Variants in PKHD1 observed in about 807,000 individuals in gnomAD.
PKHD1 encodes the protein fibrocystin.
PKHD1 carries 291 observed loss-of-function variants against 412.0 expected under a neutral mutation model. The observed-to-expected ratio is 0.71, with a 90% CI of 0.64 to 0.78. PKHD1 has a LOEUF of 0.78. Ranked by LOEUF, PKHD1 falls within the 30% of genes least tolerant of loss-of-function variation. The pLI is 0.00. For missense variants in PKHD1, 4,825 were observed against 4,950.7 expected (o/e 0.97, Z 0.76); for synonymous variants, 1,777 against 1,821.5 (o/e 0.98, Z 0.62).
At chr6:52,024,453 C>T (rs180827502) in intron 32 of PKHD1, 121 bp downstream of exon 32, 3 of 911,684 alleles carry the variant, frequency 3.3e-6, no homozygotes, top group Admixed American at 1.7e-5. Context: ...TTGTAAGAAG[C>T]CAGTGGGCTT....
chr6:51,904,102 T>C, intron 41 of PKHD1, 60 bp from the exon 42 acceptor site: 1 of 1,071,020 alleles, frequency 9.3e-7, no homozygotes, highest in Non-Finnish European at 1.5e-6. Flanking sequence ...AAACAAGAGA[T>C]GCTGCAACAC....
rs528710813 is a variant in PKHD1 at position 52,048,740 on chromosome 6, T to C, written c.2280-121A>G. 23 of 1,155,050 alleles carry C rather than the reference T, an allele frequency of 2.0e-5. No homozygotes were observed. In the African/African-American group the frequency reaches 3.2e-4, roughly 16 times the overall value. 71.6% of individuals were successfully genotyped at this position (1,155,050 alleles called of 1,614,324 possible). A position where few individuals can be genotyped will look rare whatever the true frequency, so the allele number is the denominator to read the frequency against. On this transcript the variant is annotated intron_variant, in intron 22 of 66. Transcript: ENST00000371117. Reference sequence around the variant, plus strand: ...GCCTTCCAGAAAGAGCTAAGGGACCTGAGGAAACTCAGTAAGGGAGTTTTC... The same window carrying C: ...GCCTTCCAGAAAGAGCTAAGGGACCCGAGGAAACTCAGTAAGGGAGTTTTC...
At chr6:51,941,694 C>T (rs1203658006) in intron 36 of PKHD1, among the ~76,000 whole-genome samples, 11 of 151,684 alleles carry the variant, frequency 7.3e-5, no homozygotes, top group Non-Finnish European at 1.6e-4. Flanking sequence ...CCCGTGGTGC[C>T]AAACCCATAT....
intron 36 of PKHD1, among the ~76,000 whole-genome samples, chr6:51,942,218 T>G (rs2127814404): frequency 6.6e-6 from 1 of 151,620 alleles, no homozygotes; most frequent in Admixed American, 6.6e-5. Context: ...CCCTGACTCA[T>G]CCCAACCCTT....
intron 60 of PKHD1, chr6:51,741,243 T>C (rs1784513742): frequency 3.9e-6 from 2 of 516,826 alleles, no homozygotes; most frequent in Non-Finnish European, 7.7e-6. Flanking sequence ...ACTGACATTT[T>C]AGAGTTTCTA....
intron 2 of PKHD1, among the ~76,000 whole-genome samples, chr6:52,083,483 A>G (rs894563716): frequency 5.3e-5 from 8 of 152,234 alleles, no homozygotes; most frequent in Non-Finnish European, 1.2e-4. Flanking sequence ...CATCATCAGA[A>G]GCCCCATTTT....
intron 52 of PKHD1, among the ~76,000 whole-genome samples, chr6:51,798,063 C>T (rs1452260505): frequency 6.6e-6 from 1 of 152,052 alleles, no homozygotes; most frequent in Non-Finnish European, 1.5e-5. Flanking sequence ...AGTTATGAAG[C>T]TTAGTTTGTC....
intron 65 of PKHD1, among the ~76,000 whole-genome samples, chr6:51,628,725 C>T (rs1287332598): frequency 2.0e-5 from 3 of 152,162 alleles, no homozygotes; most frequent in Non-Finnish European, 1.5e-5. Flanking sequence ...TCCACAACCT[C>T]GCCAACATCT....
rs115530385 is a variant in PKHD1, at chr6:52,056,075, G to A, written c.1694-346C>T. Among the ~76,000 whole-genome samples, 153 of 152,270 alleles carry A rather than the reference G, an allele frequency of 1.0e-3. 1 individual carries two copies. Among genetic ancestry groups the A allele is most frequent in the African/African-American group, 3.6e-3 (150 of 41,552 alleles). ...ACCATGATATGGGCCCCTCAGCCCTGGGAGGAATGGCCACAGCATGAGTGG... is the reference window on the plus strand; with the variant it reads ...ACCATGATATGGGCCCCTCAGCCCTAGGAGGAATGGCCACAGCATGAGTGG... On this transcript the variant is annotated intron_variant, in intron 18 of 66. Transcript: ENST00000371117.
chr6:51,631,024 G>A (rs891230801), intron 65 of PKHD1, among the ~76,000 whole-genome samples: 39 of 152,170 alleles, frequency 2.6e-4, no homozygotes, highest in African/African-American at 8.9e-4. Context: ...TCTAGAGCTG[G>A]GGGATCAAAA....
Position 52,022,942 on chromosome 6 carries a change from A to T in PKHD1, c.5239T>A (p.Cys1747Ser), listed in dbSNP as rs753064162. 6.2e-7 allele frequency: 1 copy of T among 1,614,138 alleles called. No homozygotes were observed. Among genetic ancestry groups the T allele is most frequent in the Non-Finnish European group, 8.5e-7 (1 of 1,180,034 alleles). The change falls in exon 33 of 67, where the codon TGC (cysteine) becomes AGC (serine). Residue 1747 changes from cysteine to serine, a missense_variant and splice_region_variant. By Grantham distance (112) the Cys-to-Ser change is moderately radical. Coordinates refer to ENST00000371117, the MANE Select transcript of PKHD1 (RefSeq NM_138694.4). ...IITAVTENFG[C>S]LGGRLVHVFG... The stretch of plus-strand genomic sequence containing the variant: ...ACATGCACCAGCCTTCCACCCAGGC[A>T]GCCTTTAAAGACAAAGGTACAAGTT...
At chr6:51,873,251 G>A (rs1776285176) in intron 46 of PKHD1, among the ~76,000 whole-genome samples, 1 of 152,084 alleles carries the variant, frequency 6.6e-6, no homozygotes, top group Admixed American at 6.5e-5. Context: ...TACAAATGAT[G>A]AAAACAACCA....
At chr6:51,920,522 G>A (rs995494805) in intron 37 of PKHD1, among the ~76,000 whole-genome samples, 2 of 152,072 alleles carry the variant, frequency 1.3e-5, no homozygotes, top group African/African-American at 4.8e-5. Context: ...GCTGGATTTG[G>A]TTTGCCAGTA....
intron 52 of PKHD1, among the ~76,000 whole-genome samples, chr6:51,792,536 A>G (rs1793921785): frequency 6.6e-6 from 1 of 152,198 alleles, no homozygotes; most frequent in African/African-American, 2.4e-5. Context: ...TAAACCAACC[A>G]TTTCTCTTGT....
At chr6:51,885,836 C>CAACAAT (rs1436752574) in intron 45 of PKHD1, 31 bp downstream of exon 45, 2 of 1,365,682 alleles carry the variant, frequency 1.5e-6, no homozygotes, top group Non-Finnish European at 2.1e-6. Context: ...TTAAAAACAA[C>CAACAAT]AACAATAACA....
chr6:51,686,711 A>G (rs1256206718), intron 60 of PKHD1, among the ~76,000 whole-genome samples: 1 of 152,312 alleles, frequency 6.6e-6, no homozygotes, highest in South Asian at 2.1e-4. Context: ...TTGACACTTT[A>G]CAACTAGCCA....
At chr6:52,049,406 T>C (rs943946888) in intron 22 of PKHD1, among the ~76,000 whole-genome samples, 2 of 152,348 alleles carry the variant, frequency 1.3e-5, no homozygotes, top group Admixed American at 6.5e-5. Flanking sequence ...AGATACATTG[T>C]TATGTGGTGC....
intron 43 of PKHD1, among the ~76,000 whole-genome samples, chr6:51,894,881 CA>C (rs1314186396): frequency 6.6e-6 from 1 of 152,186 alleles, no homozygotes; most frequent in African/African-American, 2.4e-5. Context: ...AGATGAAGAG[CA>C]CATAGGAATT....
chr6:51,934,928 A>G (rs1352080943), intron 36 of PKHD1, among the ~76,000 whole-genome samples: 1 of 152,192 alleles, frequency 6.6e-6, no homozygotes, highest in Non-Finnish European at 1.5e-5. Flanking sequence ...TAAGAGAAAT[A>G]TGGAGCAAAA....
Sources: allele counts gnomAD v4.1 joint callset (sites outside exome capture counted in the v4.1 genomes callset), GRCh38; gene constraint gnomAD v4.1.1; transcripts MANE v1.5; gene names NCBI Gene and HGNC (gene_info 2026-07-23, HGNC 2026-07-21).